Variants in EFR3B observed in about 807,000 individuals in gnomAD.
EFR3B encodes the protein protein EFR3 homolog B.
In EFR3B, 64 loss-of-function variants were observed where a neutral mutation model predicts 104.7. The observed-to-expected ratio is 0.61, with a 90% CI of 0.50 to 0.75. The LOEUF is 0.75. EFR3B is among the 30% of genes least tolerant of loss of function. The pLI is 0.00. For missense variants in EFR3B, 750 were observed against 1,078.5 expected (o/e 0.70, Z 4.27); for synonymous variants, 385 against 417.9 (o/e 0.92, Z 0.96).
Position 25,042,251 on chromosome 2 carries a change from C to T in EFR3B, c.-62C>T. The T allele has an allele frequency of 7.7e-7, 1 of 1,302,096 alleles. No homozygotes were observed. The highest frequency in any genetic ancestry group is 9.7e-7 in the Non-Finnish European group (1 of 1,025,734). 80.7% of individuals were successfully genotyped at this position (1,302,096 alleles called of 1,614,324 possible). ...ACTGTGAATGAAAGGCGGGCGCCGC[C>T]GAGGGCTGGCTGGGAACGCCGCAGC... On this transcript the variant is annotated 5_prime_UTR_variant, in exon 1 of 23. An upstream open reading frame in the 5' UTR gains an earlier in-frame stop. Coordinates refer to ENST00000403714, the MANE Select transcript of EFR3B (RefSeq NM_014971.2). This position sits in a 1 kb window ranked among gnomAD's most constrained non-coding sequence, Gnocchi z 5.4.
At chr2:25,103,864 TCGGCA>T (rs975142410) in intron 4 of EFR3B, 77 bp downstream of exon 4, 44 of 1,520,078 alleles carry the variant, frequency 2.9e-5, no homozygotes, top group Non-Finnish European at 3.7e-5. Context: ...GACCTCGGGG[TCGGCA>T]CTGTCATGTT....
rs987266903 is a variant in EFR3B at position 25,156,994 on chromosome 2, C to T, written c.*2654C>T. Reference sequence around the variant, plus strand: ...AGCCCTGGTTCTGGGACTTGGCAGTCGCCTCCCTGGAGCATCTTTCCAGAG... The same window carrying T: ...AGCCCTGGTTCTGGGACTTGGCAGTTGCCTCCCTGGAGCATCTTTCCAGAG... On this transcript the variant is annotated 3_prime_UTR_variant, in exon 23 of 23. Coordinates refer to ENST00000403714, the MANE Select transcript of EFR3B (RefSeq NM_014971.2). 1.3e-5 allele frequency: 2 copies of T among 152,146 alleles called. No homozygotes were observed. The highest frequency in any genetic ancestry group is 4.8e-5 in the African/African-American group (2 of 41,412). 9.4% of individuals were successfully genotyped at this position (152,146 alleles called of 1,614,324 possible).
intron 16 of EFR3B, among the ~76,000 whole-genome samples, chr2:25,139,728 T>C (rs888492596): frequency 6.6e-6 from 1 of 152,228 alleles, no homozygotes; most frequent in Non-Finnish European, 1.5e-5. Flanking sequence ...TCCTTTTCTT[T>C]TCCTTTGCTG....
chr2:25,061,815 A>C (rs1407018749), intron 1 of EFR3B, among the ~76,000 whole-genome samples: 1 of 151,944 alleles, frequency 6.6e-6, no homozygotes, highest in Non-Finnish European at 1.5e-5. Context: ...AAAAAAAAAA[A>C]CAAAAAACTA....
At chr2:25,125,683 T>C (rs1670143387) in intron 5 of EFR3B, among the ~76,000 whole-genome samples, 1 of 152,168 alleles carries the variant, frequency 6.6e-6, no homozygotes, top group Non-Finnish European at 1.5e-5. Context: ...GCACGGTGGC[T>C]CACGCCTGTA....
chr2:25,098,881 A>G lies in EFR3B; in HGVS notation c.213-4756A>G, dbSNP rs541889846. Among the ~76,000 whole-genome samples the G allele has an allele frequency of 1.2e-4, 11 of 94,316 alleles. No homozygotes were observed. In the East Asian group the frequency reaches 3.1e-3, roughly 27 times the overall value. 61.9% of individuals were successfully genotyped at this position (94,316 alleles called of 152,430 possible). ...TTCTGTTGCAAAGGATGGTTTTTCC[A>G]TATCAGGAATTTCTGGCATTTTTTC... On this transcript the variant is annotated intron_variant, in intron 3 of 22. Coordinates refer to ENST00000403714, the MANE Select transcript of EFR3B (RefSeq NM_014971.2).
intron 4 of EFR3B, among the ~76,000 whole-genome samples, chr2:25,109,653 G>A (rs1669668456): frequency 6.6e-6 from 1 of 152,194 alleles, no homozygotes. Context: ...ATGTATATGA[G>A]ATATTCAGTT....
intron 5 of EFR3B, among the ~76,000 whole-genome samples, chr2:25,122,372 A>G (rs1255544686): frequency 6.6e-6 from 1 of 152,156 alleles, no homozygotes; most frequent in African/African-American, 2.4e-5. Context: ...CAGAACACAC[A>G]TGTGTACACA....
intron 17 of EFR3B, among the ~76,000 whole-genome samples, chr2:25,142,677 T>C (rs1188336113): frequency 6.6e-6 from 1 of 150,846 alleles, no homozygotes; most frequent in Non-Finnish European, 1.5e-5. Flanking sequence ...GAGAATCCCT[T>C]GAACCTGGGA....
rs961403286 is a variant in EFR3B, at chr2:25,131,716, T to C, written c.986-34T>C. ...TGCACAGAGGAGGAGGGTGCCAGCC[T>C]TGGATCTCGGGTGTCCCGCCCCACC... On this transcript the variant is annotated intron_variant, in intron 9 of 22. Transcript: ENST00000403714. This position sits in a 1 kb window ranked among gnomAD's most constrained non-coding sequence, Gnocchi z 7.6. 7 of 1,484,724 alleles carry C rather than the reference T, an allele frequency of 4.7e-6. No individual in the cohort carries two copies. Among genetic ancestry groups the C allele is most frequent in the Non-Finnish European group, 6.3e-6 (7 of 1,111,482 alleles). 92.0% of individuals were successfully genotyped at this position (1,484,724 alleles called of 1,614,324 possible). A position where few individuals can be genotyped will look rare whatever the true frequency, so the allele number is the denominator to read the frequency against.
rs144360983 is a variant in EFR3B, at chr2:25,139,782, C to A, written c.1854+592C>A. Among the ~76,000 whole-genome samples the A allele has an allele frequency of 4.6e-5, 7 of 152,236 alleles. No homozygotes were observed. The East Asian group carries it at 1.3e-3, about 29-fold the overall frequency. On this transcript the variant is annotated intron_variant, in intron 16 of 22. Transcript: ENST00000403714. The stretch of plus-strand genomic sequence containing the variant: ...TAAACAAATATTTTAAAACAAATCC[C>A]AGCTATCCTGTCCTTTCACTCTATG...
At chr2:25,091,682 T>C (rs1669128300) in intron 2 of EFR3B, among the ~76,000 whole-genome samples, 2 of 152,350 alleles carry the variant, frequency 1.3e-5, no homozygotes, top group Middle Eastern at 3.4e-3. Flanking sequence ...CCGAGACATC[T>C]TTCTCCTGCA....
chr2:25,139,290 C>A, intron 16 of EFR3B, 100 bp downstream of exon 16: 1 of 1,356,856 alleles, frequency 7.4e-7, no homozygotes, highest in Non-Finnish European at 9.8e-7. Context: ...TACACTTAGG[C>A]AGTGAAGACA....
chr2:25,049,842 C>T (rs1245718886), intron 1 of EFR3B, among the ~76,000 whole-genome samples: 10 of 149,054 alleles, frequency 6.7e-5, no homozygotes, highest in Non-Finnish European at 1.0e-4. Flanking sequence ...AGGCTGGTCG[C>T]GGTGGCTCAA....
chr2:25,114,279 C>T lies in EFR3B; in HGVS notation c.364-7394C>T, dbSNP rs1669802272. On this transcript the variant is annotated intron_variant, in intron 4 of 22. Coordinates refer to ENST00000403714, the MANE Select transcript of EFR3B (RefSeq NM_014971.2). This position sits in a 1 kb window ranked among gnomAD's most constrained non-coding sequence, Gnocchi z 4.0. ...TAGGAGCTGCCCCAACAGGGACCCA[C>T]GGACAGCGCTCCCTGACCAGGTGAC... is the stretch of plus-strand genomic sequence containing the variant. 1.3e-5 allele frequency among the ~76,000 whole-genome samples: 2 copies of T among 152,302 alleles called. No individual in the cohort carries two copies. Among genetic ancestry groups the T allele is most frequent in the South Asian group, 4.1e-4 (2 of 4,826 alleles).
chr2:25,045,076 G>A (rs998585893), intron 1 of EFR3B, among the ~76,000 whole-genome samples: 2 of 152,200 alleles, frequency 1.3e-5, no homozygotes, highest in African/African-American at 2.4e-5. Flanking sequence ...CATCACAAGA[G>A]GTTCCGAGCT....
intron 4 of EFR3B, among the ~76,000 whole-genome samples, chr2:25,105,893 C>T (rs570708582): frequency 7.4e-4 from 112 of 152,316 alleles, no homozygotes; most frequent in Non-Finnish European, 1.4e-3. Flanking sequence ...AGTGAATCAT[C>T]GCATCAGCCA....
chr2:25,077,160 C>T (rs1039398444), intron 1 of EFR3B, among the ~76,000 whole-genome samples: 1 of 152,184 alleles, frequency 6.6e-6, no homozygotes, highest in Non-Finnish European at 1.5e-5. Context: ...TGATTCCTGG[C>T]TTTAATTACC....
chr2:25,145,004 T>A lies in EFR3B; in HGVS notation c.2095T>A (p.Ser699Thr). 1 of 1,551,692 alleles carries A rather than the reference T, an allele frequency of 6.4e-7. No individual in the cohort carries two copies. The highest frequency in any genetic ancestry group is 1.4e-5 in the African/African-American group (1 of 73,154). Residue 699 changes from serine (S) to threonine (T), a missense_variant, in exon 19 of 23, where the codon TCC (serine) becomes ACC (threonine). Transcript: ENST00000403714. ...GAGGAGGAGCATTGGAGAGACCATC[T>A]CCCTGCAGGTGGAGGTAGAATCGAG... ...SKRRSIGETI[S>T]LQVEVESRNS...
Sources: allele counts gnomAD v4.1 joint callset (sites outside exome capture counted in the v4.1 genomes callset), GRCh38; gene constraint gnomAD v4.1.1; non-coding constraint Gnocchi (gnomAD v3.1); transcripts MANE v1.5; gene names NCBI Gene and HGNC (gene_info 2026-07-23, HGNC 2026-07-21).